The following NME7 variants were observed in gnomAD, a reference collection of about 807,000 sequenced individuals.
NME7 encodes nucleoside diphosphate kinase 7.
A neutral mutation model predicts 49.1 loss-of-function variants in NME7; 41 were observed. The ratio of observed to expected loss-of-function variants is 0.83; its 90% CI spans 0.65 to 1.08. The LOEUF (loss-of-function observed/expected upper bound fraction) is 1.08, where lower values mean the gene tolerates loss of function less well. NME7 is among the 50% of genes least tolerant of loss of function. NME7 has a pLI of 0.00. For synonymous variants in NME7, 139 were observed against 150.6 expected (o/e 0.92, Z 0.56); for missense variants, 423 against 463.4 (o/e 0.91, Z 0.80).
intron 7 of NME7, among the ~76,000 whole-genome samples, chr1:169,278,217 A>C (rs1571348557): frequency 1.4e-5 from 2 of 148,082 alleles, no homozygotes; most frequent in South Asian, 2.1e-4. Flanking sequence ...GTATTTCCTG[A>C]ATCTGAATGT....
intron 11 of NME7, among the ~76,000 whole-genome samples, chr1:169,150,226 G>A (rs921356086): frequency 3.3e-5 from 5 of 152,110 alleles, no homozygotes; most frequent in Non-Finnish European, 7.3e-5. Flanking sequence ...GTCTGTATGT[G>A]TGTGTGTGCA....
chr1:169,212,743 G>T (rs1474639830), intron 10 of NME7, among the ~76,000 whole-genome samples: 1 of 151,834 alleles, frequency 6.6e-6, no homozygotes, highest in Non-Finnish European at 1.5e-5. Flanking sequence ...TGAGTAGCTA[G>T]GACTACAGGC....
intron 1 of NME7, among the ~76,000 whole-genome samples, chr1:169,348,602 A>G (rs931595486): frequency 1.3e-5 from 2 of 152,182 alleles, no homozygotes; most frequent in African/African-American, 4.8e-5. Context: ...GCTTTTCCTG[A>G]AAGTGTCCAA....
At chr1:169,338,963 A>C (rs1652581951) in intron 1 of NME7, among the ~76,000 whole-genome samples, 1 of 152,096 alleles carries the variant, frequency 6.6e-6, no homozygotes, top group Non-Finnish European at 1.5e-5. Flanking sequence ...ATACAATACA[A>C]ATTGTCTCTC....
rs1277470422 is a variant in NME7, at chr1:169,255,798, T to G, written c.755-18111A>C. Among the ~76,000 whole-genome samples the G allele has an allele frequency of 3.9e-5, 5 of 129,616 alleles. 1 individual carries two copies. Among genetic ancestry groups the G allele is most frequent in the Middle Eastern group, 3.8e-3 (1 of 260 alleles). 85.0% of individuals were successfully genotyped at this position (129,616 alleles called of 152,430 possible). A position where few individuals can be genotyped will look rare whatever the true frequency, so the allele number is the denominator to read the frequency against. The stretch of plus-strand genomic sequence containing the variant: ...TCTCAGCATTTGCTTGTCTGTAAAG[T>G]ATTTTATTTCTCCTTCGCTTATGAA... On this transcript the variant is annotated intron_variant, in intron 7 of 11. Transcript: ENST00000367811.
intron 10 of NME7, among the ~76,000 whole-genome samples, chr1:169,218,714 C>T (rs1013936123): frequency 6.9e-6 from 1 of 143,900 alleles, no homozygotes; most frequent in Non-Finnish European, 1.5e-5. Flanking sequence ...ATCAATGCAG[C>T]CTGCCAAAAG....
Position 169,169,470 on chromosome 1 carries a change from G to T in NME7, c.1075C>A (p.Leu359Met), listed in dbSNP as rs59827137. Residue 359 changes from leucine (L) to methionine (M), a missense_variant, in exon 11 of 12, where the codon CTG becomes ATG. Leu to Met is a conservative substitution (Grantham distance 15). Transcript: ENST00000367811. ...ACCTCTAATAGGCCATCCTCTGGCA[G>T]ATCAGTACAGTGAACAGCATTCTGG... is the stretch of plus-strand genomic sequence containing the variant. ...KIQNAVHCTD[L>M]PEDGLLEVQY... 1,850 of 1,613,870 alleles carry T rather than the reference G, an allele frequency of 1.1e-3. 19 individuals carry two copies. In the African/African-American group the frequency reaches 0.022, roughly 19 times the overall value.
chr1:169,366,901 T>C (rs916425862), intron 1 of NME7, among the ~76,000 whole-genome samples: 1 of 152,192 alleles, frequency 6.6e-6, no homozygotes, highest in African/African-American at 2.4e-5. Flanking sequence ...TCTAAATTCA[T>C]AGCTATAACT....
At chr1:169,193,777 A>G (rs1660297910) in intron 10 of NME7, among the ~76,000 whole-genome samples, 1 of 152,146 alleles carries the variant, frequency 6.6e-6, no homozygotes, top group Admixed American at 6.6e-5. Context: ...TGATTGGAAT[A>G]GGGTTATTTT....
intron 2 of NME7, among the ~76,000 whole-genome samples, chr1:169,324,152 G>A (rs942130747): frequency 2.0e-5 from 3 of 151,838 alleles, no homozygotes; most frequent in Non-Finnish European, 4.4e-5. Context: ...ACCGCGCCCA[G>A]CCCCCACTTC....
intron 1 of NME7, among the ~76,000 whole-genome samples, chr1:169,342,626 C>T (rs186721095): frequency 4.6e-5 from 1 of 21,720 alleles, no homozygotes; most frequent in African/African-American, 1.6e-4. Flanking sequence ...TATACAAGTA[C>T]ATATATATAG....
intron 3 of NME7, among the ~76,000 whole-genome samples, chr1:169,322,632 T>C (rs1651895342): frequency 6.6e-6 from 1 of 151,314 alleles, no homozygotes. Flanking sequence ...AACACTCACA[T>C]TGTCATTTTT....
intron 11 of NME7, among the ~76,000 whole-genome samples, chr1:169,164,189 T>A (rs1659338001): frequency 6.6e-6 from 1 of 152,082 alleles, no homozygotes; most frequent in Admixed American, 6.6e-5. Context: ...GTGATTCTGA[T>A]GTGCAACCAA....
intron 10 of NME7, among the ~76,000 whole-genome samples, chr1:169,214,978 G>A (rs1329944527): frequency 1.3e-5 from 2 of 152,264 alleles, no homozygotes; most frequent in African/African-American, 2.4e-5. Flanking sequence ...GGGCCAGTGT[G>A]ACAGCCTTTT....
At chr1:169,144,510 C>T (rs530940547) in intron 11 of NME7, among the ~76,000 whole-genome samples, 19 of 152,178 alleles carry the variant, frequency 1.2e-4, no homozygotes, top group South Asian at 4.1e-4. Flanking sequence ...AAGGATCAAC[C>T]TCCTAGCATT....
Position 169,260,280 on chromosome 1 carries a change from C to T in NME7, c.755-22593G>A, listed in dbSNP as rs529704561. On this transcript the variant is annotated intron_variant, in intron 7 of 11. Transcript: ENST00000367811. Reference sequence around the variant, plus strand: ...CCCTTCAATATTTTTCATGTCAACTCCTCCCATGTTTTAACTTATTATTTG... The same window carrying T: ...CCCTTCAATATTTTTCATGTCAACTTCTCCCATGTTTTAACTTATTATTTG... 1.5e-4 allele frequency among the ~76,000 whole-genome samples: 20 copies of T among 132,900 alleles called. 2 individuals carry two copies. In the South Asian group the frequency reaches 4.1e-3, roughly 28 times the overall value. The allele number at this position is 132,900 out of a possible 152,430, so 87.2% of individuals were successfully genotyped here.
At chr1:169,274,825 T>G (rs1216902895) in intron 7 of NME7, among the ~76,000 whole-genome samples, 2 of 133,670 alleles carry the variant, frequency 1.5e-5, no homozygotes, top group African/African-American at 5.1e-5. Flanking sequence ...CATTCATCTA[T>G]CTCTCTGTTT....
At chr1:169,309,249 C>T (rs1244634796) in intron 4 of NME7, among the ~76,000 whole-genome samples, 2 of 152,106 alleles carry the variant, frequency 1.3e-5, no homozygotes, top group African/African-American at 2.4e-5. Flanking sequence ...GTAATGCCTA[C>T]ATGACAGCTG....
intron 11 of NME7, among the ~76,000 whole-genome samples, chr1:169,148,324 AT>A (rs1658818566): frequency 6.6e-6 from 1 of 152,172 alleles, no homozygotes; most frequent in Non-Finnish European, 1.5e-5. Flanking sequence ...AAAGCTTTCC[AT>A]AACCTGCAAA....
Sources: allele counts gnomAD v4.1 joint callset (sites outside exome capture counted in the v4.1 genomes callset), GRCh38; gene constraint gnomAD v4.1.1; transcripts MANE v1.5; gene names NCBI Gene and HGNC (gene_info 2026-07-23, HGNC 2026-07-21).